The following EXOC6B variants were observed in gnomAD, a reference collection of about 807,000 sequenced individuals.
EXOC6B encodes the protein exocyst complex component 6B, also known as SEC15 homolog B.
A neutral mutation model predicts 113.5 loss-of-function variants in EXOC6B; 54 were observed. The observed-to-expected ratio is 0.48, with a 90% confidence interval of 0.38 to 0.60. The LOEUF (loss-of-function observed/expected upper bound fraction) is 0.60. Ranked by LOEUF, EXOC6B falls within the 20% of genes least tolerant of loss-of-function variation. The pLI is 0.00. For missense variants in EXOC6B, 797 were observed against 977.5 expected, an observed-to-expected ratio of 0.82 and a Z score of 2.46; for synonymous variants, 357 against 339.0, an observed-to-expected ratio of 1.05 and a Z score of -0.58.
At chr2:72,691,236 A>G (rs1490411649) in intron 6 of EXOC6B, among the ~76,000 whole-genome samples, 1 of 152,198 alleles carries the variant, frequency 6.6e-6, no homozygotes, top group African/African-American at 2.4e-5. Context: ...GGCAGCAACC[A>G]TAAGCTAGGA....
intron 5 of EXOC6B, among the ~76,000 whole-genome samples, chr2:72,727,474 C>A (rs1036359183): frequency 6.6e-6 from 1 of 152,100 alleles, no homozygotes; most frequent in South Asian, 2.1e-4. Context: ...CAACTAAAAG[C>A]AACATGTGAT....
chr2:72,208,537 C>T (rs187742860), intron 20 of EXOC6B, among the ~76,000 whole-genome samples: 205 of 152,222 alleles, frequency 1.3e-3, no homozygotes, highest in African/African-American at 4.6e-3. Context: ...AATAGCATGG[C>T]AATGAACAAA....
At chr2:72,766,148 C>T (rs1447503673) in intron 1 of EXOC6B, among the ~76,000 whole-genome samples, 2 of 152,182 alleles carry the variant, frequency 1.3e-5, no homozygotes, top group African/African-American at 2.4e-5. Context: ...CTAGTCATCA[C>T]TCCAGGCTCT....
At chr2:72,372,192 A>G (rs1040723330) in intron 19 of EXOC6B, among the ~76,000 whole-genome samples, 1 of 152,216 alleles carries the variant, frequency 6.6e-6, no homozygotes, top group Non-Finnish European at 1.5e-5. Context: ...ATGCAAAGAC[A>G]TTGCATGGTC....
At chr2:72,240,022 T>C (rs1029502806) in intron 20 of EXOC6B, among the ~76,000 whole-genome samples, 38 of 152,318 alleles carry the variant, frequency 2.5e-4, no homozygotes, top group African/African-American at 8.2e-4. Flanking sequence ...TACAAGTACA[T>C]GGTTGTATCC....
chr2:72,633,969 T>C (rs1043102927), intron 6 of EXOC6B, among the ~76,000 whole-genome samples: 2 of 152,004 alleles, frequency 1.3e-5, no homozygotes, highest in Non-Finnish European at 2.9e-5. Context: ...GGAAACATAT[T>C]TAAGGTAAAA....
intron 19 of EXOC6B, 73 bp from the exon 20 acceptor site, chr2:72,335,093 G>C: frequency 7.3e-7 from 1 of 1,363,078 alleles, no homozygotes; most frequent in Non-Finnish European, 1.0e-6. Context: ...ACGGATGACA[G>C]GGAAGACAAG....
rs538848869 is a variant in EXOC6B at position 72,471,795 on chromosome 2, T to C, written c.1801-6456A>G. Among the ~76,000 whole-genome samples, 7 of 152,316 alleles carry C rather than the reference T, an allele frequency of 4.6e-5. No individual in the cohort carries two copies. The East Asian group carries it at 1.3e-3, about 29-fold the overall frequency. ...TTGTCCTGGGGAATGGTTCCAGCTT[T>C]TGCCCATTCTTAAAGGAAAGGCAGT... On this transcript the variant is annotated intron_variant, in intron 17 of 21. Coordinates refer to ENST00000272427, the MANE Select transcript of EXOC6B (RefSeq NM_015189.3).
rs572320593 is a variant in EXOC6B at position 72,821,919 on chromosome 2, A to C, written c.113+3879T>G. ...CGAATATACATACCCAAAACCATTTAATTGTATACTTTAAATGGGTAAATT... is the reference window on the plus strand; with the variant it reads ...CGAATATACATACCCAAAACCATTTCATTGTATACTTTAAATGGGTAAATT... On this transcript the variant is annotated intron_variant, in intron 1 of 21. Transcript: ENST00000272427. 7.9e-4 allele frequency among the ~76,000 whole-genome samples: 120 copies of C among 152,330 alleles called. No homozygotes were observed. The South Asian group carries it at 9.1e-3, about 12-fold the overall frequency.
intron 15 of EXOC6B, among the ~76,000 whole-genome samples, chr2:72,494,014 T>C (rs1699902561): frequency 6.6e-6 from 1 of 152,094 alleles, no homozygotes; most frequent in Non-Finnish European, 1.5e-5. Context: ...TATTCCAGGA[T>C]ATAAGATAAA....
At chr2:72,410,248 T>C (rs1261765664) in intron 18 of EXOC6B, among the ~76,000 whole-genome samples, 3 of 152,184 alleles carry the variant, frequency 2.0e-5, no homozygotes, top group African/African-American at 7.2e-5. Context: ...TCACAAATTA[T>C]ATGTCATAGA....
chr2:72,476,930 A>G (rs1469200049), intron 17 of EXOC6B, among the ~76,000 whole-genome samples: 1 of 152,176 alleles, frequency 6.6e-6, no homozygotes, highest in South Asian at 2.1e-4. Context: ...GCCTATAAAT[A>G]TCCTGCTGGT....
At chr2:72,498,888 A>G (rs1700181491) in intron 12 of EXOC6B, among the ~76,000 whole-genome samples, 1 of 152,126 alleles carries the variant, frequency 6.6e-6, no homozygotes, top group African/African-American at 2.4e-5. Flanking sequence ...GAAGGGAGAG[A>G]AAGTAAAAAT....
At chr2:72,797,684 G>C (rs948079313) in intron 1 of EXOC6B, among the ~76,000 whole-genome samples, 5 of 152,090 alleles carry the variant, frequency 3.3e-5, no homozygotes, top group Non-Finnish European at 7.4e-5. Context: ...CATGGTGGCA[G>C]GCACCTGTAA....
intron 1 of EXOC6B, among the ~76,000 whole-genome samples, chr2:72,800,110 A>C (rs892060147): frequency 6.6e-6 from 1 of 152,176 alleles, no homozygotes; most frequent in Non-Finnish European, 1.5e-5. Flanking sequence ...AATATACCAA[A>C]TGTGAACATA....
intron 6 of EXOC6B, among the ~76,000 whole-genome samples, chr2:72,601,463 G>A (rs1373729690): frequency 6.6e-6 from 1 of 152,134 alleles, no homozygotes; most frequent in Non-Finnish European, 1.5e-5. Context: ...GGGATTATAT[G>A]TGTGAGCCAC....
intron 20 of EXOC6B, among the ~76,000 whole-genome samples, chr2:72,263,894 T>C (rs1390660222): frequency 6.6e-6 from 1 of 152,136 alleles, no homozygotes; most frequent in African/African-American, 2.4e-5. Context: ...ACAGGCACTA[T>C]AGTAAAGCAT....
chr2:72,603,093 G>GT lies in EXOC6B; in HGVS notation c.670-27426dup, dbSNP rs970041225. Reference sequence around the variant, plus strand: ...AGATGGTTTTTTTTTTTTTTTGGTTGTTTTTTTTTTTAAGAGCACTTTCTT... The same window carrying GT: ...AGATGGTTTTTTTTTTTTTTTGGTTGTTTTTTTTTTTTAAGAGCACTTTCTT... On this transcript the variant is annotated intron_variant, in intron 6 of 21. Coordinates refer to ENST00000272427, the MANE Select transcript of EXOC6B (RefSeq NM_015189.3). 6.7e-3 allele frequency among the ~76,000 whole-genome samples: 920 copies of GT among 136,424 alleles called. 2 individuals are homozygous for GT. Among genetic ancestry groups the GT allele is most frequent in the African/African-American group, 0.01 (379 of 37,526 alleles). 89.5% of individuals were successfully genotyped at this position (136,424 alleles called of 152,430 possible).
intron 7 of EXOC6B, among the ~76,000 whole-genome samples, chr2:72,560,072 C>G (rs1703807299): frequency 6.6e-6 from 1 of 151,792 alleles, no homozygotes; most frequent in East Asian, 1.9e-4. Flanking sequence ...AAAAATAAGA[C>G]AAAGAATGGA....
Sources: allele counts gnomAD v4.1 joint callset (sites outside exome capture counted in the v4.1 genomes callset), GRCh38; gene constraint gnomAD v4.1.1; transcripts MANE v1.5; gene names NCBI Gene and HGNC (gene_info 2026-07-23, HGNC 2026-07-21).